The following CTNNA3 variants were observed in gnomAD, a reference collection of about 807,000 sequenced individuals.
The protein encoded by CTNNA3 is catenin alpha-3.
CTNNA3 carries 76 observed loss-of-function variants against 95.7 expected under a neutral mutation model. That is an observed-to-expected ratio of 0.79 (90% CI 0.66 to 0.96). The LOEUF (loss-of-function observed/expected upper bound fraction) is 0.96, where lower values mean the gene tolerates loss of function less well. Among genes scored for constraint, CTNNA3 ranks in the 40% least tolerant of loss-of-function variants. CTNNA3 has a pLI of 0.00. For synonymous variants in CTNNA3, 431 were observed against 374.4 expected, an observed-to-expected ratio of 1.15 and a Z score of -1.74; for missense variants, 1,191 against 1,089.8, an observed-to-expected ratio of 1.09 and a Z score of -1.31.
intron 15 of CTNNA3, 120 bp from the exon 16 acceptor site, chr10:65,988,917 C>T: frequency 3.1e-6 from 2 of 643,030 alleles, no homozygotes; most frequent in South Asian, 2.1e-5. Context: ...GTAAAATATT[C>T]GCATCCCAAA....
At chr10:66,512,742 C>T (rs72793624) in intron 11 of CTNNA3, among the ~76,000 whole-genome samples, 23,156 of 151,964 alleles carry the variant, frequency 0.15, 1,839 homozygotes, top group Middle Eastern at 0.17. Flanking sequence ...TTTATGTCTC[C>T]TTCATTTCTA....
At chr10:66,141,080 G>A (rs1028728520) in intron 13 of CTNNA3, among the ~76,000 whole-genome samples, 5 of 151,988 alleles carry the variant, frequency 3.3e-5, no homozygotes, top group African/African-American at 1.2e-4. Context: ...GCAACATGGT[G>A]AAACTCCAAC....
intron 7 of CTNNA3, among the ~76,000 whole-genome samples, chr10:66,787,565 CA>C (rs959074245): frequency 1.3e-5 from 2 of 152,136 alleles, no homozygotes; most frequent in Non-Finnish European, 2.9e-5. Flanking sequence ...GAAGGAGTAG[CA>C]AGCCCCTTTA....
Position 67,387,116 on chromosome 10 carries a change from CG to C in CTNNA3, c.579+134725del, listed in dbSNP as rs559859157. On this transcript the variant is annotated intron_variant, in intron 5 of 17. Transcript: ENST00000433211. ...CTCCCAGCGTGAGCGACGCAGAAGA[CG>C]GGTGATTTCTGCATTTCCAACTGAG... 7.2e-4 allele frequency among the ~76,000 whole-genome samples: 109 copies of C among 152,262 alleles called. 1 individual carries two copies. Among genetic ancestry groups the C allele is most frequent in the East Asian group, 1.9e-3 (10 of 5,180 alleles).
intron 13 of CTNNA3, among the ~76,000 whole-genome samples, chr10:66,214,393 T>A (rs1009203272): frequency 2.0e-5 from 3 of 152,110 alleles, no homozygotes; most frequent in Admixed American, 6.5e-5. Context: ...GGACAAAAAA[T>A]TTTAGTTAAG....
At chr10:66,112,092 G>T (rs2082141704) in intron 13 of CTNNA3, among the ~76,000 whole-genome samples, 1 of 152,172 alleles carries the variant, frequency 6.6e-6, no homozygotes, top group Admixed American at 6.5e-5. Context: ...CGGTAAATCT[G>T]TTGAGTTCAG....
At chr10:66,110,043 T>G (rs1414739082) in intron 13 of CTNNA3, among the ~76,000 whole-genome samples, 1 of 152,126 alleles carries the variant, frequency 6.6e-6, no homozygotes, top group African/African-American at 2.4e-5. Context: ...TTCACTCATG[T>G]ATCATTTTTT....
At chr10:67,094,741 T>G (rs893456031) in intron 7 of CTNNA3, among the ~76,000 whole-genome samples, 1 of 151,736 alleles carries the variant, frequency 6.6e-6, no homozygotes, top group East Asian at 1.9e-4. Flanking sequence ...TTACTTGACA[T>G]TCCAATAAAA....
At chr10:66,502,993 A>G (rs892997928) in intron 11 of CTNNA3, among the ~76,000 whole-genome samples, 2 of 152,128 alleles carry the variant, frequency 1.3e-5, no homozygotes, top group East Asian at 3.8e-4. Flanking sequence ...AGCTCTTAAG[A>G]TAATTCTTCA....
At chr10:66,187,088 C>T (rs2086387020) in intron 13 of CTNNA3, among the ~76,000 whole-genome samples, 1 of 152,054 alleles carries the variant, frequency 6.6e-6, no homozygotes, top group African/African-American at 2.4e-5. Context: ...TAGAGCTCCT[C>T]CAAAATCTAA....
intron 7 of CTNNA3, among the ~76,000 whole-genome samples, chr10:66,900,574 T>C (rs1845699000): frequency 6.6e-6 from 1 of 151,956 alleles, no homozygotes. Flanking sequence ...AACAAACTTC[T>C]CTGAGCTAAA....
At chr10:66,379,616 A>C (rs977341708) in intron 11 of CTNNA3, among the ~76,000 whole-genome samples, 1 of 152,238 alleles carries the variant, frequency 6.6e-6, no homozygotes, top group Non-Finnish European at 1.5e-5. Context: ...TAGTTCCAGT[A>C]GATTAGATTT....
At chr10:66,237,315 T>C (rs192071432) in intron 13 of CTNNA3, among the ~76,000 whole-genome samples, 6 of 152,180 alleles carry the variant, frequency 3.9e-5, no homozygotes, top group Non-Finnish European at 8.8e-5. Flanking sequence ...AATTTTCTTA[T>C]AGCATTCTGT....
intron 1 of CTNNA3, among the ~76,000 whole-genome samples, chr10:67,716,993 G>A (rs1841147867): frequency 6.6e-6 from 1 of 152,120 alleles, no homozygotes; most frequent in Admixed American, 6.6e-5. Flanking sequence ...GTTGTTTCCT[G>A]ATTTTTTAAT....
upstream of CTNNA3, among the ~76,000 whole-genome samples, chr10:67,700,910 C>T (rs1301985690): frequency 6.6e-6 from 1 of 152,056 alleles, no homozygotes; most frequent in African/African-American, 2.4e-5. Context: ...ACTAGAATAA[C>T]CAATACAGAG....
intron 7 of CTNNA3, among the ~76,000 whole-genome samples, chr10:66,986,607 A>T (rs930890444): frequency 3.3e-5 from 5 of 152,192 alleles, no homozygotes; most frequent in African/African-American, 1.2e-4. Flanking sequence ...TAGGAGAATG[A>T]TACAAAATGA....
chr10:67,550,067 C>T (rs778715244), intron 3 of CTNNA3, among the ~76,000 whole-genome samples: 1 of 152,076 alleles, frequency 6.6e-6, no homozygotes, highest in Non-Finnish European at 1.5e-5. Context: ...AAATGTGGCC[C>T]TAAAAATTCT....
intron 7 of CTNNA3, among the ~76,000 whole-genome samples, chr10:67,041,855 GA>G (rs1267555804): frequency 1.1e-4 from 17 of 152,090 alleles, no homozygotes; most frequent in Non-Finnish European, 2.4e-4. Context: ...GTTAAGATAG[GA>G]AATAAGGCTG....
intron 11 of CTNNA3, among the ~76,000 whole-genome samples, chr10:66,427,856 A>C (rs994614232): frequency 6.6e-6 from 1 of 152,184 alleles, no homozygotes; most frequent in African/African-American, 2.4e-5. Context: ...AATGAGCAAA[A>C]TAACAAGCTA....
Sources: gnomAD v4.1 joint callset for allele counts (sites outside exome capture counted in the v4.1 genomes callset) on GRCh38, gnomAD v4.1.1 for gene constraint, MANE v1.5 for transcripts, NCBI Gene and HGNC (gene_info 2026-07-23, HGNC 2026-07-21) for gene names.